FGF14: variants seen among roughly 807,000 people sequenced by gnomAD.
FGF14 encodes fibroblast growth factor homologous factor 4.
Under a neutral mutation model 25.5 loss-of-function variants are expected in FGF14, and 5 were observed. The ratio of observed to expected loss-of-function variants is 0.20; its 90% CI spans 0.10 to 0.41. The LOEUF is 0.41. Ranked by LOEUF, FGF14 falls within the 10% of genes least tolerant of loss-of-function variation. FGF14 has a pLI of 1.00. For synonymous variants in FGF14, 138 were observed against 118.3 expected, an observed-to-expected ratio of 1.17 and a Z score of -1.08; for missense variants, 222 against 320.1, an observed-to-expected ratio of 0.69 and a Z score of 2.34.
At chr13:102,027,851 T>G (rs769358281) in intron 1 of FGF14, among the ~76,000 whole-genome samples, 2 of 152,024 alleles carry the variant, frequency 1.3e-5, no homozygotes, top group African/African-American at 4.8e-5. Flanking sequence ...GGTGTTTCCA[T>G]AGCAACGTCT....
At chr13:102,254,380 C>T (rs1368707061) in intron 1 of FGF14, among the ~76,000 whole-genome samples, 3 of 152,236 alleles carry the variant, frequency 2.0e-5, no homozygotes, top group African/African-American at 7.2e-5. Context: ...GTTGAAAATA[C>T]GTTACAGGTG....
At chr13:102,084,862 T>C (rs2043815609) in intron 1 of FGF14, among the ~76,000 whole-genome samples, 1 of 152,198 alleles carries the variant, frequency 6.6e-6, no homozygotes, top group Non-Finnish European at 1.5e-5. Flanking sequence ...TGATACTCCT[T>C]ACTACAAAAA....
At chr13:101,987,077 T>G (rs2038626795) in intron 1 of FGF14, among the ~76,000 whole-genome samples, 1 of 152,084 alleles carries the variant, frequency 6.6e-6, no homozygotes, top group Admixed American at 6.6e-5. Context: ...CTGGCTTAGA[T>G]TATTGTGTAA....
chr13:101,726,634 A>C lies in FGF14; in HGVS notation c.585T>G (p.His195Gln). The change falls in exon 4 of 5, where the codon CAT (histidine) becomes CAG (glutamine). Residue 195 changes from histidine (H) to glutamine (Q), a missense_variant. Transcript: ENST00000376143. ...NRVKKTKPAA[H>Q]FLPKPLEVAM... is the part of the protein sequence containing the mutation. ...CACCTTCCAATGGCTTGGGTAGAAA[A>C]TGAGCTGCTGGTTTGGTTTTCTTTA... The C allele has an allele frequency of 6.2e-7, 1 of 1,613,456 alleles. No homozygotes were observed. The highest frequency in any genetic ancestry group is 8.5e-7 in the Non-Finnish European group (1 of 1,179,586).
intron 3 of FGF14, among the ~76,000 whole-genome samples, chr13:101,804,794 T>C (rs2041106734): frequency 1.3e-5 from 2 of 152,194 alleles, no homozygotes; most frequent in African/African-American, 4.8e-5. Flanking sequence ...TTTGTTTTAC[T>C]TGACAGTTAC....
chr13:101,747,575 A>T (rs1353397321), intron 3 of FGF14, among the ~76,000 whole-genome samples: 7 of 151,948 alleles, frequency 4.6e-5, no homozygotes, highest in Admixed American at 3.3e-4. Context: ...AACTCACCTT[A>T]CTGACCAACA....
intron 3 of FGF14, among the ~76,000 whole-genome samples, chr13:101,842,545 G>C (rs1566964121): frequency 6.6e-6 from 1 of 151,960 alleles, no homozygotes; most frequent in Non-Finnish European, 1.5e-5. Context: ...GAAGCCAAAG[G>C]GTATGTGCTA....
intron 1 of FGF14, among the ~76,000 whole-genome samples, chr13:102,094,628 G>T (rs996874067): frequency 6.6e-6 from 1 of 152,118 alleles, no homozygotes; most frequent in Non-Finnish European, 1.5e-5. Flanking sequence ...TTATGATTAG[G>T]ACTGCCCTTT....
At chr13:101,831,697 A>G (rs1037356273) in intron 3 of FGF14, among the ~76,000 whole-genome samples, 3 of 152,128 alleles carry the variant, frequency 2.0e-5, no homozygotes, top group Admixed American at 1.3e-4. Context: ...CAGACTCTGC[A>G]TAGATCTTTG....
intron 3 of FGF14, among the ~76,000 whole-genome samples, chr13:101,746,175 T>C (rs1027654028): frequency 5.9e-5 from 9 of 152,148 alleles, no homozygotes; most frequent in South Asian, 4.1e-4. Flanking sequence ...GATTAATTAT[T>C]TGGAACCTTA....
At chr13:102,301,643 C>T (rs1030961586) in intron 1 of FGF14, among the ~76,000 whole-genome samples, 5 of 152,076 alleles carry the variant, frequency 3.3e-5, no homozygotes, top group African/African-American at 1.2e-4. Flanking sequence ...CCAGTCAGGA[C>T]TCACTCCACC....
At chr13:101,795,192 A>T (rs2040449107) in intron 3 of FGF14, among the ~76,000 whole-genome samples, 1 of 152,144 alleles carries the variant, frequency 6.6e-6, no homozygotes, top group South Asian at 2.1e-4. Flanking sequence ...CACATGAATG[A>T]GTGTGGCTGC....
intron 1 of FGF14, among the ~76,000 whole-genome samples, chr13:102,006,974 G>T (rs1400077318): frequency 1.3e-5 from 2 of 151,448 alleles, no homozygotes; most frequent in Non-Finnish European, 2.9e-5. Flanking sequence ...TCGATCTCCT[G>T]ACCTCATGAT....
chr13:101,938,843 A>G (rs1342876165), intron 1 of FGF14, among the ~76,000 whole-genome samples: 2 of 152,228 alleles, frequency 1.3e-5, no homozygotes, highest in Admixed American at 1.3e-4. Flanking sequence ...ATAATTCAGA[A>G]TTATCCTTTT....
At chr13:101,751,718 G>C (rs1337788035) in intron 3 of FGF14, among the ~76,000 whole-genome samples, 2 of 152,070 alleles carry the variant, frequency 1.3e-5, no homozygotes, top group Admixed American at 1.3e-4. Flanking sequence ...TGTTTTTGAC[G>C]TCCAAACGCA....
At chr13:102,344,542 T>C (rs962843442) in intron 1 of FGF14, among the ~76,000 whole-genome samples, 18 of 152,248 alleles carry the variant, frequency 1.2e-4, no homozygotes, top group African/African-American at 3.9e-4. Context: ...GTTGGTTGAT[T>C]GAGATTTGCT....
intron 1 of FGF14, among the ~76,000 whole-genome samples, chr13:102,284,554 T>C (rs2054001957): frequency 6.6e-6 from 1 of 152,154 alleles, no homozygotes; most frequent in Admixed American, 6.5e-5. Context: ...GTCTAGATGC[T>C]CTCTAGATTT....
intron 1 of FGF14, among the ~76,000 whole-genome samples, chr13:102,148,347 T>A (rs2046939978): frequency 6.6e-6 from 1 of 152,228 alleles, no homozygotes; most frequent in African/African-American, 2.4e-5. Flanking sequence ...CCTGATTTTT[T>A]AAAATGATAC....
chr13:102,202,405 C>T (rs1287677486), intron 1 of FGF14, among the ~76,000 whole-genome samples: 1 of 152,116 alleles, frequency 6.6e-6, no homozygotes, highest in Non-Finnish European at 1.5e-5. Flanking sequence ...AAAGGAGACC[C>T]ATGAGCAGGA....
Sources: gnomAD v4.1 joint callset for allele counts (sites outside exome capture counted in the v4.1 genomes callset) on GRCh38, gnomAD v4.1.1 for gene constraint, MANE v1.5 for transcripts, NCBI Gene and HGNC (gene_info 2026-07-23, HGNC 2026-07-21) for gene names.